PCDHGA1: variants seen among roughly 807,000 people sequenced by gnomAD.
PCDHGA1 encodes the protein protocadherin gamma-A1.
Under a neutral mutation model 58.0 loss-of-function variants are expected in PCDHGA1, and 32 were observed. The observed-to-expected ratio is 0.55, with a 90% CI of 0.42 to 0.74. The LOEUF (loss-of-function observed/expected upper bound fraction) is 0.74. PCDHGA1 is among the 30% of genes least tolerant of loss of function. The pLI is 0.00. For synonymous variants in PCDHGA1, 498 were observed against 501.1 expected, an observed-to-expected ratio of 0.99 and a Z score of 0.08; for missense variants, 1,205 against 1,182.3, an observed-to-expected ratio of 1.02 and a Z score of -0.28.
At chr5:141,438,610 A>G (rs2098013566) in intron 1 of PCDHGA1, among the ~76,000 whole-genome samples, 1 of 30,060 alleles carries the variant, frequency 3.3e-5, no homozygotes, top group African/African-American at 2.4e-4. Flanking sequence ...ATATATATAT[A>G]TATATATATA....
At chr5:141,395,234 T>C in intron 1 of PCDHGA1, 1 of 1,601,772 alleles carries the variant, frequency 6.2e-7, no homozygotes, top group Non-Finnish European at 8.5e-7. Flanking sequence ...CTGATCATGG[T>C]CAGGTGAGTT....
At position 141,487,339 on chromosome 5, in the gene PCDHGA1, A is replaced by T; in HGVS notation, c.2422-7468A>T. On this transcript the variant is annotated intron_variant, in intron 1 of 3. Coordinates refer to ENST00000517417, the MANE Select transcript of PCDHGA1 (RefSeq NM_018912.3). The surrounding 1 kb of genome is among the most constrained non-coding windows in gnomAD (Gnocchi z 5.0). ...AGTGTCTTCGTGGGGCAGCCTGTGG[A>T]GTCACATGCTTTCCTGCTGGCACCT... The T allele has an allele frequency of 1.9e-6, 3 of 1,614,096 alleles. No individual in the cohort carries two copies. Among genetic ancestry groups the T allele is most frequent in the Non-Finnish European group, 2.5e-6 (3 of 1,180,000 alleles).
chr5:141,487,032 C>T lies in PCDHGA1; in HGVS notation c.2422-7775C>T. 6.2e-7 allele frequency: 1 copy of T among 1,614,210 alleles called. No individual in the cohort carries two copies. The highest frequency in any genetic ancestry group is 1.1e-5 in the South Asian group (1 of 91,084). ...GAGGCCCCAGATCCCAGCCTGTTTG[C>T]AGTCTCTCGATATGCTGGGGAGGTG... On this transcript the variant is annotated intron_variant, in intron 1 of 3. Coordinates refer to ENST00000517417, the MANE Select transcript of PCDHGA1 (RefSeq NM_018912.3). The surrounding 1 kb of genome is among the most constrained non-coding windows in gnomAD (Gnocchi z 5.0).
chr5:141,366,594 A>ACC (rs746902775), intron 1 of PCDHGA1: 4 of 1,614,124 alleles, frequency 2.5e-6, no homozygotes, highest in Non-Finnish European at 3.4e-6. Context: ...ACCTATTCCC[A>ACC]CGAGGTCTCC....
At chr5:141,410,170 C>A in intron 1 of PCDHGA1, 1 of 1,613,828 alleles carries the variant, frequency 6.2e-7, no homozygotes, top group African/African-American at 1.3e-5. Context: ...CACTCTCTGC[C>A]ACCGCCACGC....
At chr5:141,385,401 T>C in intron 1 of PCDHGA1, 1 of 1,490,222 alleles carries the variant, frequency 6.7e-7, no homozygotes, top group Non-Finnish European at 8.9e-7. Context: ...AAACAAATGT[T>C]TTGAAAATAG....
chr5:141,430,661 GCT>G, intron 1 of PCDHGA1: 1 of 1,159,744 alleles, frequency 8.6e-7, no homozygotes, highest in South Asian at 2.1e-5. Flanking sequence ...CAACGGAGGA[GCT>G]CTGACTTCCC....
At chr5:141,438,765 G>A (rs1012158127) in intron 1 of PCDHGA1, among the ~76,000 whole-genome samples, 5 of 149,658 alleles carry the variant, frequency 3.3e-5, no homozygotes, top group Middle Eastern at 3.4e-3. Context: ...GGGTTCAAGC[G>A]ATTCTCCTGC....
chr5:141,430,914 T>G (rs750607631), intron 1 of PCDHGA1: 1 of 1,607,676 alleles, frequency 6.2e-7, no homozygotes, highest in Non-Finnish European at 8.5e-7. Context: ...TCCAGGGACC[T>G]GGGGCTGGAG....
intron 1 of PCDHGA1, chr5:141,352,608 T>C (rs1434961071): frequency 1.2e-6 from 2 of 1,613,510 alleles, no homozygotes; most frequent in East Asian, 2.2e-5. Context: ...GATCCTTCTA[T>C]GGTTGTATGT....
chr5:141,457,899 C>CA (rs2098931976), intron 1 of PCDHGA1, among the ~76,000 whole-genome samples: 1 of 148,818 alleles, frequency 6.7e-6, no homozygotes, highest in Admixed American at 6.7e-5. Context: ...ACTGTGTAGA[C>CA]AAGGTGTGAG....
Position 141,432,229 on chromosome 5 carries a change from C to T in PCDHGA1, c.2422-62578C>T, listed in dbSNP as rs1246285803. Reference sequence around the variant, plus strand: ...AAGAGAACGCCCAGATCACTTATTCCCTGGCTGAGAACACCATCCAAGGGG... The same window carrying T: ...AAGAGAACGCCCAGATCACTTATTCTCTGGCTGAGAACACCATCCAAGGGG... On this transcript the variant is annotated intron_variant, in intron 1 of 3. Coordinates refer to ENST00000517417, the MANE Select transcript of PCDHGA1 (RefSeq NM_018912.3). The surrounding 1 kb of genome is among the most constrained non-coding windows in gnomAD (Gnocchi z 6.0). The T allele has an allele frequency of 6.2e-7, 1 of 1,614,232 alleles. No homozygotes were observed.
chr5:141,382,948 T>C, intron 1 of PCDHGA1: 4 of 1,599,496 alleles, frequency 2.5e-6, no homozygotes, highest in Non-Finnish European at 3.4e-6. Flanking sequence ...CTTCCTGCTC[T>C]CCATCCTCCT....
intron 1 of PCDHGA1, chr5:141,375,369 C>T (rs759826011): frequency 6.2e-7 from 1 of 1,613,892 alleles, no homozygotes; most frequent in South Asian, 1.1e-5. Flanking sequence ...GACAAAGGAA[C>T]ACCACCTCTG....
At chr5:141,388,668 C>G in intron 1 of PCDHGA1, 1 of 1,613,882 alleles carries the variant, frequency 6.2e-7, no homozygotes, top group Non-Finnish European at 8.5e-7. Flanking sequence ...GACCACGGTG[C>G]TACAGGTGAC....
chr5:141,403,616 C>T (rs2094434764), intron 1 of PCDHGA1: 1 of 1,613,774 alleles, frequency 6.2e-7, no homozygotes, highest in South Asian at 1.1e-5. Flanking sequence ...CGAGCCGCGT[C>T]GCTCCAGCAC....
intron 1 of PCDHGA1, chr5:141,372,171 G>A (rs573101178): frequency 2.5e-6 from 4 of 1,613,744 alleles, no homozygotes; most frequent in East Asian, 4.5e-5. Flanking sequence ...CAAGGTGGTG[G>A]CGGTGGACGC....
chr5:141,350,789 C>G (rs368449960), intron 1 of PCDHGA1: 2 of 1,613,852 alleles, frequency 1.2e-6, no homozygotes, highest in African/African-American at 2.7e-5. Flanking sequence ...ATACTTCTCT[C>G]TGTCAACGAA....
At chr5:141,382,791 C>T in intron 1 of PCDHGA1, 1 of 942,536 alleles carries the variant, frequency 1.1e-6, no homozygotes, top group Non-Finnish European at 1.6e-6. Context: ...AGCCTCTATC[C>T]TGCTGGATTC....
Sources: gnomAD v4.1 joint callset for allele counts (sites outside exome capture counted in the v4.1 genomes callset) on GRCh38, gnomAD v4.1.1 for gene constraint, Gnocchi (gnomAD v3.1) non-coding constraint, MANE v1.5 for transcripts, NCBI Gene and HGNC (gene_info 2026-07-23, HGNC 2026-07-21) for gene names.